Variants in DEPDC5 observed in about 807,000 individuals in gnomAD.
DEPDC5 encodes DEP domain containing 5, GATOR1 subcomplex subunit.
DEPDC5 carries 73 observed loss-of-function variants against 217.3 expected under a neutral mutation model. The observed-to-expected ratio is 0.34, with a 90% CI of 0.28 to 0.41. The LOEUF (loss-of-function observed/expected upper bound fraction) is 0.41, where lower values mean the gene tolerates loss of function less well. Among genes scored for constraint, DEPDC5 ranks in the 10% least tolerant of loss-of-function variants. DEPDC5 has a pLI of 1.00. For synonymous variants in DEPDC5, 733 were observed against 756.7 expected, an observed-to-expected ratio of 0.97 and a Z score of 0.51; for missense variants, 1,675 against 2,070.1, an observed-to-expected ratio of 0.81 and a Z score of 3.70.
At position 31,780,096 on chromosome 22, in the gene DEPDC5, C is replaced by A. The variant is rs369685756; in HGVS notation, c.483+1928C>A. Among the ~76,000 whole-genome samples, 24 of 151,080 alleles carry A rather than the reference C, an allele frequency of 1.6e-4. No individual in the cohort carries two copies. In the East Asian group the frequency reaches 4.4e-3, roughly 28 times the overall value. ...GGCATTTAGCATTAAGTGCTGCAGCCCTTCTGGCTCTGGTATAGAGAGTTA... is the reference window on the plus strand; with the variant it reads ...GGCATTTAGCATTAAGTGCTGCAGCACTTCTGGCTCTGGTATAGAGAGTTA... On this transcript the variant is annotated intron_variant, in intron 8 of 42. Coordinates refer to ENST00000651528, the MANE Select transcript of DEPDC5 (RefSeq NM_001242896.3).
chr22:31,881,291 CAA>C (rs67347332), intron 38 of DEPDC5, among the ~76,000 whole-genome samples: 41 of 107,154 alleles, frequency 3.8e-4, no homozygotes, highest in South Asian at 8.6e-4. Flanking sequence ...CTCCATCTCT[CAA>C]AAAAAAAAAA....
chr22:31,833,014 C>T (rs1173836709), intron 24 of DEPDC5, among the ~76,000 whole-genome samples: 1 of 152,152 alleles, frequency 6.6e-6, no homozygotes, highest in Non-Finnish European at 1.5e-5. Flanking sequence ...GAGTTAGCCA[C>T]CGTTGAATGT....
intron 21 of DEPDC5, among the ~76,000 whole-genome samples, chr22:31,817,785 C>T (rs971650151): frequency 1.3e-5 from 2 of 152,148 alleles, no homozygotes; most frequent in African/African-American, 4.8e-5. Context: ...CTGTACCTGG[C>T]CTGTACTCAT....
intron 15 of DEPDC5, 72 bp from the exon 16 acceptor site, chr22:31,804,090 A>G (rs1406575575): frequency 1.3e-6 from 2 of 1,482,084 alleles, no homozygotes; most frequent in Non-Finnish European, 1.9e-6. Flanking sequence ...TTTAAATAAC[A>G]TGATTTATAG....
intron 38 of DEPDC5, among the ~76,000 whole-genome samples, chr22:31,884,619 G>T (rs2093261757): frequency 6.6e-6 from 1 of 152,066 alleles, no homozygotes; most frequent in South Asian, 2.1e-4. Context: ...ATAGCATTCG[G>T]GTCTCAGCCT....
intron 15 of DEPDC5, 140 bp downstream of exon 15, chr22:31,802,978 A>T (rs1744357553): frequency 8.7e-7 from 1 of 1,150,742 alleles, no homozygotes; most frequent in Non-Finnish European, 1.1e-6. Flanking sequence ...GGATGTCAAT[A>T]GGTGTCAGGT....
intron 7 of DEPDC5, among the ~76,000 whole-genome samples, chr22:31,776,345 C>CAA: frequency 6.6e-6 from 1 of 152,084 alleles, no homozygotes. Context: ...CTCCTGGGCT[C>CAA]AAGCAATCTG....
intron 12 of DEPDC5, among the ~76,000 whole-genome samples, chr22:31,795,123 T>A (rs2086097703): frequency 7.1e-6 from 1 of 141,576 alleles, no homozygotes; most frequent in African/African-American, 2.7e-5. Flanking sequence ...CAGGCTGGAG[T>A]GCACTAGCGT....
At chr22:31,840,152 G>T (rs909029089) in intron 27 of DEPDC5, among the ~76,000 whole-genome samples, 1 of 152,086 alleles carries the variant, frequency 6.6e-6, no homozygotes, top group Admixed American at 6.6e-5. Flanking sequence ...GAAGTCATGG[G>T]GCTGTCAGAA....
intron 24 of DEPDC5, 111 bp downstream of exon 24, chr22:31,822,901 C>T: frequency 4.4e-6 from 5 of 1,132,364 alleles, no homozygotes; most frequent in South Asian, 4.2e-5. Context: ...TCATTTCAGC[C>T]ACACTTTTGG....
At chr22:31,790,634 G>T (rs1038620652) in intron 10 of DEPDC5, among the ~76,000 whole-genome samples, 3 of 151,850 alleles carry the variant, frequency 2.0e-5, no homozygotes, top group East Asian at 3.9e-4. Context: ...AAAAAACACT[G>T]TAGGCCTGGC....
chr22:31,887,419 CAAAAAAAA>C (rs567430576), intron 38 of DEPDC5, among the ~76,000 whole-genome samples: 3 of 65,686 alleles, frequency 4.6e-5, no homozygotes, highest in South Asian at 6.1e-4. Flanking sequence ...AACTCTGTCT[CAAAAAAAA>C]AAAAAAAAAA....
At chr22:31,880,972 G>A (rs536482520) in intron 38 of DEPDC5, among the ~76,000 whole-genome samples, 66 of 148,662 alleles carry the variant, frequency 4.4e-4, no homozygotes, top group African/African-American at 1.5e-3. Context: ...CCGAGATCGC[G>A]CCACTGTACT....
chr22:31,879,102 A>ACG (rs2093101539), intron 37 of DEPDC5, among the ~76,000 whole-genome samples: 2 of 132,870 alleles, frequency 1.5e-5, no homozygotes, highest in African/African-American at 6.6e-5. Flanking sequence ...ATACACATAT[A>ACG]TATACATATA....
At chr22:31,754,408 T>G (rs2075141026) in intron 1 of DEPDC5, among the ~76,000 whole-genome samples, 1 of 152,254 alleles carries the variant, frequency 6.6e-6, no homozygotes, top group African/African-American at 2.4e-5. Flanking sequence ...GTTGCCTTGC[T>G]CAGGACATTG....
intron 2 of DEPDC5, among the ~76,000 whole-genome samples, chr22:31,756,108 C>G (rs1490699535): frequency 2.0e-5 from 3 of 149,754 alleles, no homozygotes; most frequent in African/African-American, 5.0e-5. Flanking sequence ...GTCTCGAACT[C>G]CTGAGCTCAG....
chr22:31,798,509 C>G (rs1569523986), intron 13 of DEPDC5, 73 bp from the exon 14 acceptor site: 11 of 1,361,678 alleles, frequency 8.1e-6, no homozygotes, highest in Non-Finnish European at 1.1e-5. Context: ...CACAGCAAGG[C>G]TTCGTTTAAA....
intron 24 of DEPDC5, among the ~76,000 whole-genome samples, chr22:31,828,097 G>A (rs182484006): frequency 1.2e-4 from 18 of 151,968 alleles, no homozygotes; most frequent in Admixed American, 1.2e-3. Flanking sequence ...TTTTTTTATT[G>A]TAAGTTCCAT....
chr22:31,885,584 G>C lies in DEPDC5; in HGVS notation c.4033+5832G>C, dbSNP rs2093286888. Among the ~76,000 whole-genome samples, 2 of 151,688 alleles carry C rather than the reference G, an allele frequency of 1.3e-5. 1 individual carries two copies. The highest frequency in any genetic ancestry group is 4.2e-4 in the South Asian group (2 of 4,800). The stretch of plus-strand genomic sequence containing the variant: ...ACTAAAAATACAAAAAATTAGCCAG[G>C]CATGGTGGCGGGCACCTGTAGTCCC... On this transcript the variant is annotated intron_variant, in intron 38 of 42. Transcript: ENST00000651528.
Sources: gnomAD v4.1 joint callset for allele counts (sites outside exome capture counted in the v4.1 genomes callset) on GRCh38, gnomAD v4.1.1 for gene constraint, MANE v1.5 for transcripts, NCBI Gene and HGNC (gene_info 2026-07-23, HGNC 2026-07-21) for gene names.